RPH3A: variants seen among roughly 807,000 people sequenced by gnomAD.
RPH3A encodes the protein rabphilin-3A.
In RPH3A, 48 loss-of-function variants were observed where a neutral mutation model predicts 102.2. The observed-to-expected ratio is 0.47, with a 90% CI of 0.37 to 0.60. The LOEUF (loss-of-function observed/expected upper bound fraction) is 0.60. Ranked by LOEUF, RPH3A falls within the 20% of genes least tolerant of loss-of-function variation. The pLI is 0.00. For synonymous variants in RPH3A, 310 were observed against 324.3 expected, an observed-to-expected ratio of 0.96 and a Z score of 0.47; for missense variants, 781 against 910.1, an observed-to-expected ratio of 0.86 and a Z score of 1.83.
At chr12:112,668,751 C>T (rs939510291) in intron 1 of RPH3A, among the ~76,000 whole-genome samples, 1 of 151,986 alleles carries the variant, frequency 6.6e-6, no homozygotes, top group Non-Finnish European at 1.5e-5. Flanking sequence ...GTGCAACAAA[C>T]CACCATGGCA....
At chr12:112,647,580 G>A (rs2039940700) in intron 1 of RPH3A, among the ~76,000 whole-genome samples, 1 of 147,150 alleles carries the variant, frequency 6.8e-6, no homozygotes, top group African/African-American at 2.5e-5. Context: ...AGGGTAATGG[G>A]GCTAGAGAGG....
At chr12:112,635,839 A>G (rs111783166) in intron 1 of RPH3A, among the ~76,000 whole-genome samples, 17 of 152,222 alleles carry the variant, frequency 1.1e-4, no homozygotes, top group South Asian at 4.1e-4. Context: ...TTCTTCCTGT[A>G]TGACTTGACT....
chr12:112,805,705 T>C (rs1384563861), intron 2 of RPH3A, among the ~76,000 whole-genome samples: 1 of 152,218 alleles, frequency 6.6e-6, no homozygotes, highest in Non-Finnish European at 1.5e-5. Context: ...GGGGCAGTTG[T>C]GTGAGGTTAA....
At chr12:112,663,040 T>A (rs984842097) in intron 1 of RPH3A, among the ~76,000 whole-genome samples, 7 of 144,252 alleles carry the variant, frequency 4.9e-5, no homozygotes, top group Admixed American at 2.8e-4. Context: ...CAAGCAGAGA[T>A]GAGGATGGCT....
intron 1 of RPH3A, among the ~76,000 whole-genome samples, chr12:112,753,954 GAC>G (rs761728282): frequency 3.3e-5 from 5 of 152,184 alleles, no homozygotes; most frequent in Non-Finnish European, 5.9e-5. Context: ...CAGGAGAAGT[GAC>G]AATGGCAAGA....
intron 1 of RPH3A, among the ~76,000 whole-genome samples, chr12:112,587,794 C>T (rs549672235): frequency 1.2e-4 from 19 of 152,190 alleles, no homozygotes; most frequent in Middle Eastern, 3.4e-3. Flanking sequence ...GGAAAATTTA[C>T]GGCACATCTG....
chr12:112,868,687 C>A, intron 8 of RPH3A, 92 bp downstream of exon 8: 1 of 1,401,868 alleles, frequency 7.1e-7, no homozygotes, highest in Non-Finnish European at 9.7e-7. Context: ...GTCTGTGTTT[C>A]CACCCAGTTG....
intron 1 of RPH3A, among the ~76,000 whole-genome samples, chr12:112,732,853 C>G (rs774136903): frequency 1.3e-5 from 2 of 152,152 alleles, no homozygotes; most frequent in Non-Finnish European, 2.9e-5. Flanking sequence ...GAGTGTGTAA[C>G]TGTAACCATC....
At chr12:112,603,073 T>A (rs1566225026) in intron 1 of RPH3A, among the ~76,000 whole-genome samples, 1 of 152,116 alleles carries the variant, frequency 6.6e-6, no homozygotes, top group Non-Finnish European at 1.5e-5. Context: ...CTAATGGTAA[T>A]AAACTGGGGG....
chr12:112,600,872 C>T (rs1005440451), intron 1 of RPH3A, among the ~76,000 whole-genome samples: 15 of 152,194 alleles, frequency 9.9e-5, no homozygotes, highest in Non-Finnish European at 2.2e-4. Context: ...GTTTAATTGA[C>T]TCACAGTTCC....
chr12:112,724,350 C>T (rs2040572508), intron 1 of RPH3A, among the ~76,000 whole-genome samples: 1 of 152,266 alleles, frequency 6.6e-6, no homozygotes, highest in South Asian at 2.1e-4. Context: ...CAGGCATGAG[C>T]CACTGTGGCT....
chr12:112,632,050 G>T (rs1037829634), intron 1 of RPH3A, among the ~76,000 whole-genome samples: 1 of 152,096 alleles, frequency 6.6e-6, no homozygotes, highest in Non-Finnish European at 1.5e-5. Flanking sequence ...ATGGGGGTAG[G>T]TCTTTCCTGC....
At chr12:112,596,507 G>A (rs897218869) in intron 1 of RPH3A, among the ~76,000 whole-genome samples, 6 of 152,164 alleles carry the variant, frequency 3.9e-5, no homozygotes, top group East Asian at 1.9e-4. Context: ...TCAAACTGCA[G>A]TAATGCCTTC....
intron 1 of RPH3A, among the ~76,000 whole-genome samples, chr12:112,776,329 A>G (rs1259566258): frequency 6.6e-6 from 1 of 152,212 alleles, no homozygotes; most frequent in Non-Finnish European, 1.5e-5. Flanking sequence ...GCTTATAACA[A>G]TAAACACGCT....
chr12:112,695,483 G>A (rs1378762540), intron 1 of RPH3A, among the ~76,000 whole-genome samples: 2 of 152,244 alleles, frequency 1.3e-5, no homozygotes, highest in African/African-American at 4.8e-5. Flanking sequence ...AAAGGAGGAA[G>A]TGCTATAGCT....
chr12:112,805,855 C>T (rs1490122573), intron 2 of RPH3A, among the ~76,000 whole-genome samples: 1 of 152,186 alleles, frequency 6.6e-6, no homozygotes, highest in Admixed American at 6.5e-5. Flanking sequence ...CATCTACTAA[C>T]ATGTAAATCA....
chr12:112,847,221 C>T (rs112436543), intron 4 of RPH3A, among the ~76,000 whole-genome samples: 8 of 152,228 alleles, frequency 5.3e-5, no homozygotes, highest in African/African-American at 7.2e-5. Context: ...CCAGAGACTT[C>T]GAGGCTGGAA....
At chr12:112,643,111 A>G (rs555114904) in intron 1 of RPH3A, among the ~76,000 whole-genome samples, 3 of 152,316 alleles carry the variant, frequency 2.0e-5, no homozygotes, top group South Asian at 4.1e-4. Context: ...GCCCGAACTC[A>G]CACTGGTAGT....
At chr12:112,867,243 A>T in intron 7 of RPH3A, among the ~76,000 whole-genome samples, 1 of 144,142 alleles carries the variant, frequency 6.9e-6, no homozygotes, top group African/African-American at 2.6e-5. Context: ...TCATTTTGTT[A>T]TTTCTCACAT....
Sources: allele counts gnomAD v4.1 joint callset (sites outside exome capture counted in the v4.1 genomes callset), GRCh38; gene constraint gnomAD v4.1.1; transcripts MANE v1.5; gene names NCBI Gene and HGNC (gene_info 2026-07-23, HGNC 2026-07-21).